Variants in CACNA2D3 observed in about 807,000 individuals in gnomAD.
CACNA2D3 encodes voltage-dependent calcium channel subunit alpha-2/delta-3.
Under a neutral mutation model 160.6 loss-of-function variants are expected in CACNA2D3, and 60 were observed. The ratio of observed to expected loss-of-function variants is 0.37; its 90% CI spans 0.30 to 0.46. CACNA2D3 has a LOEUF of 0.46. CACNA2D3 is among the 20% of genes least tolerant of loss of function. The pLI, the probability that CACNA2D3 is intolerant of heterozygous loss-of-function variation, is 1.00. For missense variants in CACNA2D3, 1,205 were observed against 1,365.0 expected, an observed-to-expected ratio of 0.88 and a Z score of 1.85; for synonymous variants, 558 against 492.9, an observed-to-expected ratio of 1.13 and a Z score of -1.75.
At chr3:54,357,296 G>A (rs1035223778) in intron 3 of CACNA2D3, among the ~76,000 whole-genome samples, 4 of 152,142 alleles carry the variant, frequency 2.6e-5, no homozygotes, top group African/African-American at 9.7e-5. Flanking sequence ...ATTATTATGT[G>A]GACTCGAGCA....
intron 3 of CACNA2D3, among the ~76,000 whole-genome samples, chr3:54,345,794 T>A (rs1436915561): frequency 6.6e-6 from 1 of 152,070 alleles, no homozygotes; most frequent in African/African-American, 2.4e-5. Flanking sequence ...TTTGCAATCT[T>A]AGATAGGACA....
chr3:54,454,642 T>C (rs1488234115), intron 4 of CACNA2D3, among the ~76,000 whole-genome samples: 1 of 152,170 alleles, frequency 6.6e-6, no homozygotes, highest in Non-Finnish European at 1.5e-5. Flanking sequence ...TTTAAAAATA[T>C]ACAATAAATT....
intron 2 of CACNA2D3, among the ~76,000 whole-genome samples, chr3:54,212,648 A>G (rs962204733): frequency 6.6e-6 from 1 of 152,150 alleles, no homozygotes; most frequent in Non-Finnish European, 1.5e-5. Context: ...TCCGACCCCC[A>G]CTTCCTATCA....
At chr3:54,624,346 G>C (rs1699049453) in intron 9 of CACNA2D3, among the ~76,000 whole-genome samples, 1 of 152,210 alleles carries the variant, frequency 6.6e-6, no homozygotes, top group Admixed American at 6.5e-5. Context: ...CTGTAGGCTG[G>C]GCCCGGTGGC....
At chr3:54,962,756 A>G (rs1372081924) in intron 27 of CACNA2D3, among the ~76,000 whole-genome samples, 1 of 152,172 alleles carries the variant, frequency 6.6e-6, no homozygotes, top group Non-Finnish European at 1.5e-5. Context: ...CTCTATGTGT[A>G]TGTGAATATA....
intron 9 of CACNA2D3, among the ~76,000 whole-genome samples, chr3:54,586,387 A>G (rs547407892): frequency 2.8e-4 from 42 of 152,268 alleles, no homozygotes; most frequent in Non-Finnish European, 5.0e-4. Context: ...TATTAATACC[A>G]TATAAAGTCT....
At chr3:54,472,722 A>G (rs1700755780) in intron 4 of CACNA2D3, among the ~76,000 whole-genome samples, 1 of 152,186 alleles carries the variant, frequency 6.6e-6, no homozygotes, top group Non-Finnish European at 1.5e-5. Context: ...AAAAATCATA[A>G]ACATTTCTGT....
At chr3:54,931,280 T>C (rs1701182871) in intron 27 of CACNA2D3, among the ~76,000 whole-genome samples, 2 of 152,160 alleles carry the variant, frequency 1.3e-5, no homozygotes, top group African/African-American at 4.8e-5. Flanking sequence ...GGTTCTGTTT[T>C]ACTCATGCTG....
At chr3:54,484,812 G>C (rs1700990623) in intron 4 of CACNA2D3, among the ~76,000 whole-genome samples, 1 of 151,806 alleles carries the variant, frequency 6.6e-6, no homozygotes, top group African/African-American at 2.4e-5. Flanking sequence ...GAGAGTATGA[G>C]AGTTCCTTTG....
In CACNA2D3 at chr3:54,837,373, T is replaced by C. The variant is rs924669681; in HGVS notation, c.1470+143T>C. On this transcript the variant is annotated intron_variant, in intron 15 of 37. Coordinates refer to ENST00000474759, the MANE Select transcript of CACNA2D3 (RefSeq NM_018398.3). ...TTATTGTTTGATCTTGCTGTTAGAA[T>C]CACCAAATCAAAAACAGATGAGAGG... 14 of 721,544 alleles carry C rather than the reference T, an allele frequency of 1.9e-5. No individual in the cohort carries two copies. In the East Asian group the frequency reaches 3.5e-4, roughly 18 times the overall value. 44.7% of individuals were successfully genotyped at this position (721,544 alleles called of 1,614,324 possible).
At chr3:54,470,171 C>G (rs1700704139) in intron 4 of CACNA2D3, among the ~76,000 whole-genome samples, 1 of 152,182 alleles carries the variant, frequency 6.6e-6, no homozygotes, top group Admixed American at 6.5e-5. Flanking sequence ...ATGTTAAGGG[C>G]AGCCAGAGAG....
rs148482804 is a variant in CACNA2D3 at position 55,063,511 on chromosome 3, T to A, written c.2988-9934T>A. ...ACAAAACAAAATGCTCTTCAGGTGA[T>A]TCCAGTGAGCAACCAAGGTAAGAAT... On this transcript the variant is annotated intron_variant, in intron 35 of 37. Transcript: ENST00000474759. Among the ~76,000 whole-genome samples the A allele has an allele frequency of 6.6e-3, 1,005 of 152,246 alleles. 11 individuals are homozygous for A. The highest frequency in any genetic ancestry group is 0.023 in the African/African-American group (946 of 41,538).
chr3:54,892,046 A>C (rs62254539), intron 25 of CACNA2D3, among the ~76,000 whole-genome samples: 38,829 of 152,072 alleles, frequency 0.26, 5,151 homozygotes, highest in Non-Finnish European at 0.29. Context: ...CCCAGATGCT[A>C]AGCCCCTGCA....
At chr3:54,286,445 A>G (rs923575955) in intron 2 of CACNA2D3, among the ~76,000 whole-genome samples, 5 of 152,238 alleles carry the variant, frequency 3.3e-5, no homozygotes, top group Non-Finnish European at 5.9e-5. Flanking sequence ...GACCAAATCT[A>G]CGTCTGAATG....
At position 54,277,387 on chromosome 3, in the gene CACNA2D3, C is replaced by G. The variant is rs549543957; in HGVS notation, c.205-43055C>G. Among the ~76,000 whole-genome samples the G allele has an allele frequency of 1.2e-4, 18 of 152,300 alleles. No homozygotes were observed. In the East Asian group the frequency reaches 2.9e-3, roughly 24 times the overall value. On this transcript the variant is annotated intron_variant, in intron 2 of 37. Transcript: ENST00000474759. ...CAACACCATTTATTAAATAGGGAAT[C>G]CTTTCCCGATTGCTTGTTTTTGTCA... is the stretch of plus-strand genomic sequence containing the variant.
At chr3:54,767,760 G>A (rs987702049) in intron 13 of CACNA2D3, among the ~76,000 whole-genome samples, 2 of 152,046 alleles carry the variant, frequency 1.3e-5, no homozygotes, top group Non-Finnish European at 2.9e-5. Flanking sequence ...ACAATAATGT[G>A]GTCATGTCAA....
intron 9 of CACNA2D3, among the ~76,000 whole-genome samples, chr3:54,595,233 T>C (rs1281406315): frequency 6.6e-6 from 1 of 152,174 alleles, no homozygotes; most frequent in East Asian, 1.9e-4. Context: ...TCTATCCATC[T>C]GGGAATCTCT....
intron 4 of CACNA2D3, among the ~76,000 whole-genome samples, chr3:54,461,589 G>A (rs1294397178): frequency 6.6e-6 from 1 of 151,466 alleles, no homozygotes; most frequent in Admixed American, 6.6e-5. Context: ...ATTCTCTCAT[G>A]ATAGTTTGTA....
intron 7 of CACNA2D3, 21 bp downstream of exon 7, chr3:54,569,876 TTTG>T (rs1702466082): frequency 6.2e-7 from 1 of 1,611,534 alleles, no homozygotes; most frequent in Non-Finnish European, 8.5e-7. Flanking sequence ...GTCAGACCTC[TTTG>T]TTATTTCTCA....
Sources: gnomAD v4.1 joint callset for allele counts (sites outside exome capture counted in the v4.1 genomes callset) on GRCh38, gnomAD v4.1.1 for gene constraint, MANE v1.5 for transcripts, NCBI Gene and HGNC (gene_info 2026-07-23, HGNC 2026-07-21) for gene names.